Variants in GAS2 observed in about 807,000 individuals in gnomAD.
GAS2 encodes the protein growth arrest specific 2, also known as growth arrest-specific protein 2.
In GAS2, 20 loss-of-function variants were observed where a neutral mutation model predicts 37.5. That is an observed-to-expected ratio of 0.53 (90% CI 0.37 to 0.77). GAS2 has a LOEUF of 0.77. Ranked by LOEUF, GAS2 falls within the 30% of genes least tolerant of loss-of-function variation. GAS2 has a pLI of 0.00. For synonymous variants in GAS2, 144 were observed against 132.2 expected, an observed-to-expected ratio of 1.09 and a Z score of -0.61; for missense variants, 336 against 373.4, an observed-to-expected ratio of 0.90 and a Z score of 0.82.
chr11:22,688,193 T>C (rs1269743949), intron 3 of GAS2, among the ~76,000 whole-genome samples: 3 of 152,194 alleles, frequency 2.0e-5, no homozygotes, highest in African/African-American at 7.2e-5. Flanking sequence ...ATCTGTGAAA[T>C]AGGATTAATA....
At chr11:22,725,826 T>G (rs1173076598) in intron 3 of GAS2, among the ~76,000 whole-genome samples, 1 of 152,146 alleles carries the variant, frequency 6.6e-6, no homozygotes, top group Non-Finnish European at 1.5e-5. Flanking sequence ...ACTTTATAAT[T>G]CTTGTGTAAT....
chr11:22,808,604 T>C (rs1268466028), intron 7 of GAS2, among the ~76,000 whole-genome samples: 1 of 152,216 alleles, frequency 6.6e-6, no homozygotes, highest in African/African-American at 2.4e-5. Flanking sequence ...GTTTAAAAAC[T>C]GTTGTGACTG....
At chr11:22,710,678 A>C (rs1851361045) in intron 3 of GAS2, among the ~76,000 whole-genome samples, 1 of 152,122 alleles carries the variant, frequency 6.6e-6, no homozygotes, top group African/African-American at 2.4e-5. Context: ...GAGGGTTGTC[A>C]CACCTGCTAT....
intron 7 of GAS2, among the ~76,000 whole-genome samples, chr11:22,807,896 G>A (rs1370231478): frequency 2.0e-5 from 3 of 152,186 alleles, no homozygotes; most frequent in African/African-American, 7.2e-5. Flanking sequence ...CAGATGTGAT[G>A]ATCTGGTAAG....
chr11:22,767,863 T>G (rs902709539), intron 7 of GAS2, among the ~76,000 whole-genome samples: 4 of 152,126 alleles, frequency 2.6e-5, no homozygotes, highest in African/African-American at 9.7e-5. Context: ...TTTCATAAAC[T>G]TAGTGAGTTA....
At chr11:22,649,440 T>A (rs1192577847) in intron 1 of GAS2, among the ~76,000 whole-genome samples, 1 of 152,064 alleles carries the variant, frequency 6.6e-6, no homozygotes, top group Non-Finnish European at 1.5e-5. Context: ...ATAAAATGAG[T>A]TAGGGAGGAT....
intron 1 of GAS2, among the ~76,000 whole-genome samples, chr11:22,648,131 T>A (rs1305333006): frequency 6.6e-6 from 1 of 152,234 alleles, no homozygotes; most frequent in East Asian, 1.9e-4. Context: ...CAGTTTCAGC[T>A]TTCTGCATAT....
chr11:22,737,734 CTCTG>C lies in GAS2; in HGVS notation c.444_447del (p.Leu149Ter). The C allele has an allele frequency of 6.2e-7, 1 of 1,614,152 alleles. No homozygotes were observed. Among genetic ancestry groups the C allele is most frequent in the Non-Finnish European group, 8.5e-7 (1 of 1,179,986 alleles). ...CCACAAGCAACCCAGAGAAGTGTGTCTCTGTCTGCTAGAGCTTGGCCGGATTGCA... is the reference window on the plus strand; with the variant it reads ...CCACAAGCAACCCAGAGAAGTGTGTCTCTGCTAGAGCTTGGCCGGATTGCA... On this transcript the variant is annotated frameshift_variant, in exon 5 of 8. Coordinates refer to ENST00000454584, the MANE Select transcript of GAS2 (RefSeq NM_001143830.3). LOFTEE classifies it high-confidence loss of function.
intron 2 of GAS2, among the ~76,000 whole-genome samples, chr11:22,682,887 G>GGAAAAAAAAAAAAAAAAAA (rs1849757390): frequency 1.4e-5 from 1 of 73,654 alleles, no homozygotes; most frequent in East Asian, 3.8e-4. Context: ...AAAAAAAAAA[G>GGAAAAAAAAAAAAAAAAAA]GAAAAAAAAA....
intron 1 of GAS2, among the ~76,000 whole-genome samples, chr11:22,654,343 C>T (rs1181188987): frequency 6.6e-6 from 1 of 151,686 alleles, no homozygotes; most frequent in Non-Finnish European, 1.5e-5. Flanking sequence ...ATAATTTTTT[C>T]CTTCCTTCCT....
At chr11:22,787,928 A>C (rs2134541418) in intron 7 of GAS2, among the ~76,000 whole-genome samples, 1 of 152,320 alleles carries the variant, frequency 6.6e-6, no homozygotes, top group Middle Eastern at 3.4e-3. Flanking sequence ...ATTTCTTTTT[A>C]AAGTATGTAA....
chr11:22,805,445 T>C (rs7110397), intron 7 of GAS2, among the ~76,000 whole-genome samples: 139,667 of 152,122 alleles, frequency 0.92, 65,293 homozygotes, highest in East Asian at 1. Flanking sequence ...ACTATAGTCA[T>C]CATGCAGTAC....
rs543611985 is a variant in GAS2, at chr11:22,782,118, T to C, written c.723+26165T>C. 7.4e-4 allele frequency among the ~76,000 whole-genome samples: 112 copies of C among 152,312 alleles called. 1 individual carries two copies. The highest frequency in any genetic ancestry group is 3.5e-3 in the South Asian group (17 of 4,828). The stretch of plus-strand genomic sequence containing the variant: ...ATAATGCAAATATTGGAAGGAATTG[T>C]AAGATGGAACCCTGGTACTGACTGT... On this transcript the variant is annotated intron_variant, in intron 7 of 7. Transcript: ENST00000454584.
intron 1 of GAS2, among the ~76,000 whole-genome samples, chr11:22,640,699 T>C (rs2133817059): frequency 6.6e-6 from 1 of 152,314 alleles, no homozygotes; most frequent in East Asian, 1.9e-4. Context: ...TTTATATAAA[T>C]TGAATGTTTA....
chr11:22,709,425 A>T (rs986078222), intron 3 of GAS2, among the ~76,000 whole-genome samples: 15 of 152,200 alleles, frequency 9.9e-5, no homozygotes, highest in Non-Finnish European at 1.0e-4. Context: ...ATTGAAGATA[A>T]GCTATTATCT....
In GAS2 at chr11:22,789,435, T is replaced by TATATATATATAA. The variant is rs1856014996; in HGVS notation, c.724-22352_724-22351insAATATATATATA. On this transcript the variant is annotated intron_variant, in intron 7 of 7. Transcript: ENST00000454584. ...GTGTATCTCATATGAGATATATATA[T>TATATATATATAA]ATATATATATATATATATATTCTTT... 1.4e-4 allele frequency among the ~76,000 whole-genome samples: 13 copies of TATATATATATAA among 94,572 alleles called. 1 individual carries two copies. The highest frequency in any genetic ancestry group is 8.4e-4 in the East Asian group (3 of 3,576). 62.0% of individuals were successfully genotyped at this position (94,572 alleles called of 152,430 possible).
upstream of GAS2, among the ~76,000 whole-genome samples, chr11:22,664,869 TTTGTCACCA>T (rs993422309): frequency 6.6e-6 from 1 of 152,108 alleles, no homozygotes; most frequent in African/African-American, 2.4e-5. Context: ...TTACTTCTCT[TTTGTCACCA>T]AAAAAAATAT....
At chr11:22,739,572 C>CAAAAAAAAAAAAAAAAAAAAA (rs71037525) in intron 5 of GAS2, among the ~76,000 whole-genome samples, 1 of 64,650 alleles carries the variant, frequency 1.5e-5, no homozygotes, top group Admixed American at 2.4e-4. Context: ...GATTCGCTCT[C>CAAAAAAAAAAAAAAAAAAAAA]AAAAAAAAAA....
intron 7 of GAS2, among the ~76,000 whole-genome samples, chr11:22,808,628 G>A (rs1857003557): frequency 6.6e-6 from 1 of 152,194 alleles, no homozygotes; most frequent in African/African-American, 2.4e-5. Flanking sequence ...GTTCTTTCTG[G>A]TTGAAATGGC....
Sources: allele counts gnomAD v4.1 joint callset (sites outside exome capture counted in the v4.1 genomes callset), GRCh38; gene constraint gnomAD v4.1.1; transcripts MANE v1.5; gene names NCBI Gene and HGNC (gene_info 2026-07-23, HGNC 2026-07-21).